Variants in EPHA6 observed in about 807,000 individuals in gnomAD.
EPHA6 encodes the protein EPH receptor A6, also known as ephrin type-A receptor 6.
EPHA6 carries 50 observed loss-of-function variants against 112.0 expected under a neutral mutation model. That is an observed-to-expected ratio of 0.45 (90% CI 0.36 to 0.56). The LOEUF (loss-of-function observed/expected upper bound fraction) is 0.56, where lower values mean the gene tolerates loss of function less well. Among genes scored for constraint, EPHA6 ranks in the 20% least tolerant of loss-of-function variants. The pLI, the probability that EPHA6 is intolerant of heterozygous loss-of-function variation, is 0.00. For missense variants in EPHA6, 1,280 were observed against 1,417.4 expected (o/e 0.90, Z 1.56); for synonymous variants, 529 against 490.7 (o/e 1.08, Z -1.03).
intron 2 of EPHA6, among the ~76,000 whole-genome samples, chr3:96,983,192 G>A (rs934215002): frequency 3.9e-5 from 6 of 152,080 alleles, no homozygotes; most frequent in Non-Finnish European, 5.9e-5. Flanking sequence ...GGCTGGTACC[G>A]GTTGTTCCTT....
intron 5 of EPHA6, among the ~76,000 whole-genome samples, chr3:97,400,178 A>T (rs2086912390): frequency 6.6e-6 from 1 of 151,678 alleles, no homozygotes; most frequent in Non-Finnish European, 1.5e-5. Flanking sequence ...TTTTCCCAGC[A>T]CCATTTATTG....
At chr3:97,439,517 G>C in intron 6 of EPHA6, 1 of 452,352 alleles carries the variant, frequency 2.2e-6, no homozygotes, top group Non-Finnish European at 2.9e-6. Flanking sequence ...GCATTTTAAT[G>C]AATGCGAGAA....
intron 3 of EPHA6, among the ~76,000 whole-genome samples, chr3:97,052,325 T>C (rs1166136698): frequency 2.0e-5 from 3 of 152,172 alleles, no homozygotes; most frequent in Non-Finnish European, 4.4e-5. Context: ...TTTCAGTTCA[T>C]AGTTTAATGT....
chr3:97,551,613 A>G (rs936653862), intron 11 of EPHA6, among the ~76,000 whole-genome samples: 1 of 152,164 alleles, frequency 6.6e-6, no homozygotes, highest in African/African-American at 2.4e-5. Context: ...ATTATATATA[A>G]CATGCTGTTG....
At chr3:97,301,918 G>A (rs182340635) in intron 5 of EPHA6, among the ~76,000 whole-genome samples, 21 of 152,006 alleles carry the variant, frequency 1.4e-4, no homozygotes, top group Non-Finnish European at 2.1e-4. Context: ...ATTTGAAGCC[G>A]CATCACCTAG....
chr3:97,211,935 C>T (rs1403280658), intron 3 of EPHA6, among the ~76,000 whole-genome samples: 1 of 152,096 alleles, frequency 6.6e-6, no homozygotes, highest in Non-Finnish European at 1.5e-5. Flanking sequence ...ATCAAAGTGC[C>T]TGGCTCATTC....
chr3:97,175,424 ATCTG>A (rs2076810290), intron 3 of EPHA6, among the ~76,000 whole-genome samples: 1 of 151,328 alleles, frequency 6.6e-6, no homozygotes, highest in Non-Finnish European at 1.5e-5. Context: ...CTTTTTCTAT[ATCTG>A]AAGGTCATTG....
At position 97,760,963 on chromosome 3, in the gene EPHA6, T is replaced by C. The variant is rs2036149987; in HGVS notation, c.*12262T>C. The C allele has an allele frequency of 5.0e-6, 1 of 201,842 alleles. No individual in the cohort carries two copies. The allele number at this position is 201,842 out of a possible 1,614,324, so 12.5% of individuals were successfully genotyped here. On this transcript the variant is annotated 3_prime_UTR_variant, in exon 18 of 18. Transcript: ENST00000389672. ...TGAGAATAGGGAAGTATAGCACTGT[T>C]TTATGTTTTTCTCTTTAGTATTCTG...
intron 2 of EPHA6, among the ~76,000 whole-genome samples, chr3:96,908,201 T>G (rs1327339132): frequency 6.6e-6 from 1 of 152,008 alleles, no homozygotes; most frequent in Non-Finnish European, 1.5e-5. Context: ...TATACTAGTA[T>G]GGGACCACCT....
chr3:97,396,352 G>T (rs777703239), intron 5 of EPHA6, among the ~76,000 whole-genome samples: 11 of 147,308 alleles, frequency 7.5e-5, no homozygotes, highest in African/African-American at 2.8e-4. Flanking sequence ...CTGAGAATTA[G>T]CATTATTTAA....
chr3:97,276,500 G>A (rs1318559138), intron 5 of EPHA6, among the ~76,000 whole-genome samples: 4 of 152,146 alleles, frequency 2.6e-5, no homozygotes, highest in East Asian at 3.9e-4. Flanking sequence ...CGGTTCAGGC[G>A]TTTGGAAGTT....
At chr3:97,407,100 A>G (rs1410365263) in intron 6 of EPHA6, among the ~76,000 whole-genome samples, 3 of 152,184 alleles carry the variant, frequency 2.0e-5, no homozygotes, top group South Asian at 2.1e-4. Flanking sequence ...AATGACTTGC[A>G]ATATTTCTAA....
At chr3:97,196,540 G>A (rs1329128870) in intron 3 of EPHA6, among the ~76,000 whole-genome samples, 3 of 151,976 alleles carry the variant, frequency 2.0e-5, no homozygotes, top group Non-Finnish European at 4.4e-5. Flanking sequence ...CCTGATGCTT[G>A]TCAATGTCCA....
rs1269662787 is a variant in EPHA6 at position 97,167,842 on chromosome 3, TTAAAA to T, written c.1115-58417_1115-58413del. ...ACTAATATTTGGAATCCAAATATTCTTAAAATAAATAGATGGCTCACCATTTTTAT... is the reference window on the plus strand; with the variant it reads ...ACTAATATTTGGAATCCAAATATTCTTAAATAGATGGCTCACCATTTTTAT... On this transcript the variant is annotated intron_variant, in intron 3 of 17. Transcript: ENST00000389672. Among the ~76,000 whole-genome samples, 28 of 152,090 alleles carry T rather than the reference TTAAAA, an allele frequency of 1.8e-4. 1 individual carries two copies. In the East Asian group the frequency reaches 5.4e-3, roughly 29 times the overall value.
At chr3:96,883,746 A>G (rs1224792436) in intron 2 of EPHA6, among the ~76,000 whole-genome samples, 3 of 151,664 alleles carry the variant, frequency 2.0e-5, no homozygotes, top group Admixed American at 6.6e-5. Flanking sequence ...GCTGACTGCA[A>G]CCTCCCACCT....
At chr3:96,925,443 T>C (rs2039984967) in intron 2 of EPHA6, among the ~76,000 whole-genome samples, 2 of 152,188 alleles carry the variant, frequency 1.3e-5, no homozygotes, top group South Asian at 2.1e-4. Flanking sequence ...GAGATGTTTA[T>C]AGTATTTTCT....
intron 10 of EPHA6, among the ~76,000 whole-genome samples, chr3:97,521,954 T>C (rs1011482505): frequency 6.6e-6 from 1 of 151,086 alleles, no homozygotes; most frequent in African/African-American, 2.4e-5. Flanking sequence ...GACAAGGTTT[T>C]GCTCTGTTCC....
chr3:97,184,705 A>G (rs1434534988), intron 3 of EPHA6, among the ~76,000 whole-genome samples: 4 of 152,128 alleles, frequency 2.6e-5, no homozygotes, highest in African/African-American at 7.2e-5. Flanking sequence ...ACAGAACTGG[A>G]AAAAACTACT....
intron 3 of EPHA6, among the ~76,000 whole-genome samples, chr3:97,117,103 C>T (rs2047910924): frequency 6.6e-6 from 1 of 151,558 alleles, no homozygotes; most frequent in Admixed American, 6.6e-5. Context: ...GTTTCATATA[C>T]CTATTGGCCA....
Sources: gnomAD v4.1 joint callset for allele counts (sites outside exome capture counted in the v4.1 genomes callset) on GRCh38, gnomAD v4.1.1 for gene constraint, MANE v1.5 for transcripts, NCBI Gene and HGNC (gene_info 2026-07-23, HGNC 2026-07-21) for gene names.